GRID2: variants seen among roughly 807,000 people sequenced by gnomAD.
GRID2 encodes the protein glutamate ionotropic receptor delta type subunit 2.
GRID2 carries 33 observed loss-of-function variants against 114.8 expected under a neutral mutation model. The observed-to-expected ratio is 0.29, with a 90% CI of 0.22 to 0.38. The LOEUF is 0.38. Ranked by LOEUF, GRID2 falls within the 10% of genes least tolerant of loss-of-function variation. GRID2 has a pLI of 1.00. For synonymous variants in GRID2, 505 were observed against 449.9 expected (o/e 1.12, Z -1.55); for missense variants, 1,184 against 1,257.7 (o/e 0.94, Z 0.89).
intron 8 of GRID2, among the ~76,000 whole-genome samples, chr4:93,380,079 G>A (rs1402441116): frequency 6.6e-6 from 1 of 152,082 alleles, no homozygotes; most frequent in Non-Finnish European, 1.5e-5. Flanking sequence ...ACATGTAAAT[G>A]TGATCAAATA....
At chr4:93,183,666 TTAAAAG>T (rs1157684741) in intron 4 of GRID2, among the ~76,000 whole-genome samples, 1 of 152,156 alleles carries the variant, frequency 6.6e-6, no homozygotes, top group Non-Finnish European at 1.5e-5. Flanking sequence ...TGGCCTGGAA[TTAAAAG>T]TAAAGAAAAG....
At chr4:92,399,486 C>T (rs1730673713) in intron 1 of GRID2, among the ~76,000 whole-genome samples, 1 of 152,104 alleles carries the variant, frequency 6.6e-6, no homozygotes, top group Admixed American at 6.6e-5. Context: ...AAATTCAATA[C>T]TTGGGGTTAG....
intron 4 of GRID2, among the ~76,000 whole-genome samples, chr4:93,130,217 A>G (rs1224571592): frequency 6.6e-6 from 1 of 152,166 alleles, no homozygotes; most frequent in Non-Finnish European, 1.5e-5. Flanking sequence ...ATGTGGGTGG[A>G]TCACTTGAGC....
intron 2 of GRID2, among the ~76,000 whole-genome samples, chr4:92,942,214 G>A (rs534565271): frequency 3.3e-5 from 5 of 152,114 alleles, no homozygotes; most frequent in Non-Finnish European, 7.4e-5. Flanking sequence ...AAGTCTCTTT[G>A]TAGGTCACTA....
intron 1 of GRID2, among the ~76,000 whole-genome samples, chr4:92,506,101 T>G (rs1170995633): frequency 6.6e-6 from 1 of 152,016 alleles, no homozygotes; most frequent in African/African-American, 2.4e-5. Flanking sequence ...TGGAGCTTTA[T>G]ATAGTGATAA....
rs569141198 is a variant in GRID2 at position 92,895,052 on chromosome 4, ATATAT to A, written c.245-189936_245-189932del. ...CTGTCTCCCATATTTAAGTTAATCAATATATTATATTTGTCATGCCACAGGGATTA... is the reference window on the plus strand; with the variant it reads ...CTGTCTCCCATATTTAAGTTAATCAATATATTTGTCATGCCACAGGGATTA... On this transcript the variant is annotated intron_variant, in intron 2 of 15. Coordinates refer to ENST00000282020, the MANE Select transcript of GRID2 (RefSeq NM_001510.4). Among the ~76,000 whole-genome samples the A allele has an allele frequency of 4.3e-3, 648 of 152,094 alleles. 4 individuals are homozygous for A. The highest frequency in any genetic ancestry group is 7.6e-3 in the Non-Finnish European group (513 of 67,944).
At chr4:93,520,827 T>G (rs1730260268) in intron 13 of GRID2, among the ~76,000 whole-genome samples, 1 of 152,198 alleles carries the variant, frequency 6.6e-6, no homozygotes, top group Non-Finnish European at 1.5e-5. Context: ...TGACCTTAGT[T>G]ACTCTGAGAT....
chr4:92,509,802 G>A (rs1239173512), intron 1 of GRID2, among the ~76,000 whole-genome samples: 1 of 151,900 alleles, frequency 6.6e-6, no homozygotes, highest in African/African-American at 2.4e-5. Flanking sequence ...ATAGCAGCAT[G>A]CTCGGTATAT....
intron 1 of GRID2, among the ~76,000 whole-genome samples, chr4:92,530,048 G>GT (rs35734039): frequency 0.26 from 37,397 of 145,390 alleles, 5,426 homozygotes; most frequent in Middle Eastern, 0.35. Context: ...GATAAGAAGG[G>GT]TTTTTTTTTT....
intron 1 of GRID2, among the ~76,000 whole-genome samples, chr4:92,403,898 C>CGCATAATAT (rs1170218612): frequency 6.6e-6 from 1 of 151,782 alleles, no homozygotes; most frequent in African/African-American, 2.4e-5. Context: ...AGTCTGAACA[C>CGCATAATAT]GCATAATATT....
In GRID2 at chr4:92,973,299, T is replaced by A. The variant is rs553782945; in HGVS notation, c.245-111696T>A. 2.6e-5 allele frequency among the ~76,000 whole-genome samples: 4 copies of A among 152,256 alleles called. No homozygotes were observed. In the South Asian group the frequency reaches 8.3e-4, roughly 32 times the overall value. ...ATCTATATTTTCCCACCTTGATGTTTAAATAGAAGAGGGATAATGAAATTA... is the reference window on the plus strand; with the variant it reads ...ATCTATATTTTCCCACCTTGATGTTAAAATAGAAGAGGGATAATGAAATTA... On this transcript the variant is annotated intron_variant, in intron 2 of 15. Coordinates refer to ENST00000282020, the MANE Select transcript of GRID2 (RefSeq NM_001510.4).
chr4:93,609,372 C>T (rs1196633536), intron 13 of GRID2, among the ~76,000 whole-genome samples: 1 of 86,660 alleles, frequency 1.2e-5, no homozygotes, highest in Non-Finnish European at 2.6e-5. Context: ...GTGTTTTGGG[C>T]ATGAAGTCCT....
intron 2 of GRID2, among the ~76,000 whole-genome samples, chr4:92,983,873 G>A (rs1444018916): frequency 6.6e-6 from 1 of 152,022 alleles, no homozygotes; most frequent in Non-Finnish European, 1.5e-5. Flanking sequence ...AATGCTAAGG[G>A]GGTTCTTTTA....
At chr4:92,326,968 C>A (rs1027590117) in intron 1 of GRID2, among the ~76,000 whole-genome samples, 4 of 151,902 alleles carry the variant, frequency 2.6e-5, no homozygotes, top group Non-Finnish European at 5.9e-5. Context: ...CTAGAGCCCT[C>A]TCTGATTTTC....
chr4:93,074,421 G>T (rs917845367), intron 2 of GRID2, among the ~76,000 whole-genome samples: 1 of 152,124 alleles, frequency 6.6e-6, no homozygotes, highest in Non-Finnish European at 1.5e-5. Flanking sequence ...AGTAACTAGG[G>T]TTAATATGTT....
intron 8 of GRID2, among the ~76,000 whole-genome samples, chr4:93,311,409 C>G (rs1467834045): frequency 6.6e-6 from 1 of 152,104 alleles, no homozygotes; most frequent in Non-Finnish European, 1.5e-5. Flanking sequence ...ATTAACTGTG[C>G]ACCAATTTCT....
intron 2 of GRID2, among the ~76,000 whole-genome samples, chr4:92,766,094 C>T (rs915166639): frequency 2.0e-5 from 3 of 152,152 alleles, no homozygotes; most frequent in African/African-American, 7.2e-5. Context: ...TCATAGCCTA[C>T]AGTCAATACA....
intron 4 of GRID2, among the ~76,000 whole-genome samples, chr4:93,196,051 C>T (rs1005516390): frequency 2.0e-5 from 3 of 152,082 alleles, no homozygotes; most frequent in Non-Finnish European, 2.9e-5. Flanking sequence ...GTTCGAACAC[C>T]GTAAGGTAAT....
rs182234636 is a variant in GRID2 at position 93,227,172 on chromosome 4, G to A, written c.1125+2397G>A. On this transcript the variant is annotated intron_variant, in intron 7 of 15. Coordinates refer to ENST00000282020, the MANE Select transcript of GRID2 (RefSeq NM_001510.4). ...CTGATAAATAGCACATCGCTCCTTTGTAGCCATGTTAATATCTTTAGCAAA... is the reference window on the plus strand; with the variant it reads ...CTGATAAATAGCACATCGCTCCTTTATAGCCATGTTAATATCTTTAGCAAA... Among the ~76,000 whole-genome samples, 414 of 152,144 alleles carry A rather than the reference G, an allele frequency of 2.7e-3. 5 individuals are homozygous for A. Among genetic ancestry groups the A allele is most frequent in the African/African-American group, 9.6e-3 (398 of 41,534 alleles).
Sources: allele counts gnomAD v4.1 joint callset (sites outside exome capture counted in the v4.1 genomes callset), GRCh38; gene constraint gnomAD v4.1.1; transcripts MANE v1.5; gene names NCBI Gene and HGNC (gene_info 2026-07-23, HGNC 2026-07-21).